MAST4: variants seen among roughly 807,000 people sequenced by gnomAD.
MAST4 encodes the protein microtubule associated serine/threonine kinase family member 4.
In MAST4, 89 loss-of-function variants were observed where a neutral mutation model predicts 162.7. The observed-to-expected ratio is 0.55, with a 90% CI of 0.46 to 0.65. The LOEUF (loss-of-function observed/expected upper bound fraction) is 0.65. Among genes scored for constraint, MAST4 ranks in the 30% least tolerant of loss-of-function variants. The pLI is 0.00. For missense variants in MAST4, 3,153 were observed against 3,374.0 expected, an observed-to-expected ratio of 0.93 and a Z score of 1.62; for synonymous variants, 1,479 against 1,361.1, an observed-to-expected ratio of 1.09 and a Z score of -1.91.
chr5:66,936,618 A>C (rs1742776846), intron 4 of MAST4, among the ~76,000 whole-genome samples: 1 of 152,222 alleles, frequency 6.6e-6, no homozygotes, highest in South Asian at 2.1e-4. Flanking sequence ...AAGGAATTTC[A>C]CAAGACAATG....
At chr5:66,678,440 G>A (rs1399988649) in intron 1 of MAST4, among the ~76,000 whole-genome samples, 3 of 151,996 alleles carry the variant, frequency 2.0e-5, no homozygotes, top group Non-Finnish European at 4.4e-5. Context: ...AAGTGTGTGA[G>A]GCAAGTATGT....
intron 2 of MAST4, 79 bp from the exon 3 acceptor site, chr5:66,788,591 A>ACCCCAC (rs1755226840): frequency 3.2e-6 from 2 of 618,786 alleles, no homozygotes; most frequent in Admixed American, 2.1e-5. Flanking sequence ...AGGAAGAGAC[A>ACCCCAC]CCCCACCCCC....
rs1769391763 is a variant in MAST4, at chr5:67,134,619, G to T, written c.2323G>T (p.Glu775Ter). 1 of 1,613,660 alleles carries T rather than the reference G, an allele frequency of 6.2e-7. No homozygotes were observed. The highest frequency in any genetic ancestry group is 1.3e-5 in the African/African-American group (1 of 74,910). The change falls in exon 18 of 29, where the codon GAA (glutamate) becomes TAA (stop). Residue 775 changes from glutamate to a stop codon, truncating the protein, a stop_gained. Transcript: ENST00000403625. LOFTEE classifies it high-confidence loss of function. The part of the protein sequence containing the change: ...DWWAMGIILY[E>*]FLVGCVPFFG... The stretch of plus-strand genomic sequence containing the variant: ...GTGGGCCATGGGGATTATCCTCTAT[G>T]AATTTCTGGTTGGATGCGTGCCATT...
chr5:67,160,587 C>G lies in MAST4; in HGVS notation c.3780C>G (p.Leu1260=), dbSNP rs1434272936. ...AGAAATCCAAGAAGAAAGAAAGTCTCGAAAGGTTAGTAAAATCAGTATTCT... is the reference window on the plus strand; with the variant it reads ...AGAAATCCAAGAAGAAAGAAAGTCTGGAAAGGTTAGTAAAATCAGTATTCT... ...RSKKSKKKES[L]ERRRSLFKKL... Residue 1260 remains leucine, a synonymous_variant, in exon 27 of 29, where the codon CTC becomes CTG. Coordinates refer to ENST00000403625, the MANE Select transcript of MAST4 (RefSeq NM_001164664.2). The G allele has an allele frequency of 6.2e-7, 1 of 1,613,036 alleles. No individual in the cohort carries two copies. Among genetic ancestry groups the G allele is most frequent in the Admixed American group, 1.7e-5 (1 of 59,868 alleles).
chr5:66,660,850 A>G (rs1746860686), intron 1 of MAST4, among the ~76,000 whole-genome samples: 1 of 152,220 alleles, frequency 6.6e-6, no homozygotes, highest in Admixed American at 6.5e-5. Flanking sequence ...TGGTGACTGG[A>G]TTTCCCAACT....
chr5:67,141,986 A>T (rs1770453263), intron 19 of MAST4, 129 bp from the exon 20 acceptor site: 4 of 972,834 alleles, frequency 4.1e-6, no homozygotes, highest in Non-Finnish European at 6.0e-6. Context: ...AGAATGAAAA[A>T]GTATGATTTT....
chr5:67,166,433 A>T lies in MAST4; in HGVS notation c.7254A>T (p.Arg2418Ser). 1.2e-6 allele frequency: 2 copies of T among 1,604,928 alleles called. No individual in the cohort carries two copies. The highest frequency in any genetic ancestry group is 1.7e-6 in the Non-Finnish European group (2 of 1,175,688). ...AGVGKGFPEARGKGPGPQKPP... is the reference protein window; with the variant it reads ...AGVGKGFPEASGKGPGPQKPP... ...TGGGGAAGGGCTTCCCTGAGGCCAG[A>T]GGGAAAGGGCCCGGTCCCCAGAAGC... is the stretch of plus-strand genomic sequence containing the variant. The change falls in exon 29 of 29, where the codon AGA becomes AGT. Residue 2418 changes from arginine to serine, a missense_variant. Around this residue, in one of 7 missense-constraint regions of MAST4, gnomAD observed 1,644 missense variants for 1,495.0 expected, o/e 1.10. Coordinates refer to ENST00000403625, the MANE Select transcript of MAST4 (RefSeq NM_001164664.2).
chr5:66,789,758 T>C, intron 3 of MAST4: 1 of 518,924 alleles, frequency 1.9e-6, no homozygotes, highest in South Asian at 1.4e-5. Flanking sequence ...CCACAATCTA[T>C]GAGCAACCTG....
At chr5:66,938,492 A>G (rs1024686371) in intron 4 of MAST4, among the ~76,000 whole-genome samples, 6 of 152,178 alleles carry the variant, frequency 3.9e-5, no homozygotes, top group African/African-American at 7.2e-5. Flanking sequence ...TGGCTTTACA[A>G]TGGTAATGAT....
At chr5:66,799,452 C>G (rs1755810890) in intron 3 of MAST4, among the ~76,000 whole-genome samples, 1 of 152,180 alleles carries the variant, frequency 6.6e-6, no homozygotes, top group African/African-American at 2.4e-5. Flanking sequence ...CTAAAGAGCT[C>G]AGGAAAATGA....
chr5:66,973,773 T>G (rs1223958818), intron 4 of MAST4, among the ~76,000 whole-genome samples: 1 of 152,122 alleles, frequency 6.6e-6, no homozygotes, highest in Admixed American at 6.5e-5. Flanking sequence ...TATTCCCTCC[T>G]TTCTCTCCCT....
rs764969344 is a variant in MAST4 at position 66,759,741 on chromosome 5, G to A, written c.396G>A (p.Pro132=). ...LDHILSPPPM[P]FRKCSNPDVA... is the part of the protein sequence containing the mutation. ...ACATATTATCCCCTCCACCCATGCC[G>A]TTTCGGAAATGCAGCAACCCAGATG... is the stretch of plus-strand genomic sequence containing the variant. Residue 132 remains proline (P), a synonymous_variant, in exon 2 of 29, where the codon CCG becomes CCA. Coordinates refer to ENST00000403625, the MANE Select transcript of MAST4 (RefSeq NM_001164664.2). The A allele has an allele frequency of 8.9e-5, 144 of 1,613,788 alleles. No individual in the cohort carries two copies. The highest frequency in any genetic ancestry group is 1.4e-4 in the South Asian group (13 of 91,078).
chr5:66,975,851 T>C (rs1172256597), intron 4 of MAST4, among the ~76,000 whole-genome samples: 1 of 152,066 alleles, frequency 6.6e-6, no homozygotes, highest in East Asian at 1.9e-4. Flanking sequence ...AAAAATTAGC[T>C]GGGCTTGGTG....
chr5:66,999,349 C>G (rs1751024801), intron 4 of MAST4, among the ~76,000 whole-genome samples: 1 of 152,198 alleles, frequency 6.6e-6, no homozygotes, highest in African/African-American at 2.4e-5. Flanking sequence ...GTCCTATGGG[C>G]TGTGTGCCAT....
At chr5:66,776,735 C>A (rs1754620154) in intron 2 of MAST4, among the ~76,000 whole-genome samples, 1 of 152,190 alleles carries the variant, frequency 6.6e-6, no homozygotes, top group African/African-American at 2.4e-5. Flanking sequence ...GTGTGTTTCA[C>A]ATGCAGGATA....
intron 4 of MAST4, among the ~76,000 whole-genome samples, chr5:66,934,440 A>G (rs1192736977): frequency 6.6e-6 from 1 of 152,134 alleles, no homozygotes; most frequent in Non-Finnish European, 1.5e-5. Flanking sequence ...GATTATTAGC[A>G]CATATGAAAC....
In MAST4 at chr5:66,825,997, A is replaced by G. The variant is rs141913930; in HGVS notation, c.642+37203A>G. Among the ~76,000 whole-genome samples, 888 of 152,298 alleles carry G rather than the reference A, an allele frequency of 5.8e-3. 7 individuals are homozygous for G. Among genetic ancestry groups the G allele is most frequent in the African/African-American group, 0.02 (819 of 41,556 alleles). ...ATTATTACCTGTGAATAGTGTCATCATTTGAAGTTTTTATTGCATTTTAAC... is the reference window on the plus strand; with the variant it reads ...ATTATTACCTGTGAATAGTGTCATCGTTTGAAGTTTTTATTGCATTTTAAC... On this transcript the variant is annotated intron_variant, in intron 3 of 28. Coordinates refer to ENST00000403625, the MANE Select transcript of MAST4 (RefSeq NM_001164664.2).
At chr5:67,055,749 A>G (rs145050566) in intron 5 of MAST4, among the ~76,000 whole-genome samples, 3 of 152,212 alleles carry the variant, frequency 2.0e-5, no homozygotes, top group Non-Finnish European at 4.4e-5. Flanking sequence ...TAGACCACTC[A>G]TAGCAGCAGC....
intron 4 of MAST4, among the ~76,000 whole-genome samples, chr5:66,949,962 T>C (rs1243895812): frequency 6.6e-6 from 1 of 152,174 alleles, no homozygotes; most frequent in African/African-American, 2.4e-5. Flanking sequence ...TTCTTTGCTT[T>C]ACGAGAGCTG....
Sources: allele counts gnomAD v4.1 joint callset (sites outside exome capture counted in the v4.1 genomes callset), GRCh38; gene constraint gnomAD v4.1.1; regional missense constraint gnomAD v4.1.1; transcripts MANE v1.5; gene names NCBI Gene and HGNC (gene_info 2026-07-23, HGNC 2026-07-21).